The following PFKFB3 variants were observed in gnomAD, a reference collection of about 807,000 sequenced individuals.
PFKFB3 encodes the protein 6-phosphofructo-2-kinase/fructose-2,6-bisphosphatase 3.
PFKFB3 carries 33 observed loss-of-function variants against 68.0 expected under a neutral mutation model. The ratio of observed to expected loss-of-function variants is 0.49; its 90% CI spans 0.37 to 0.65. The LOEUF is 0.65. Among genes scored for constraint, PFKFB3 ranks in the 30% least tolerant of loss-of-function variants. The pLI, the probability that PFKFB3 is intolerant of heterozygous loss-of-function variation, is 0.00. For synonymous variants in PFKFB3, 315 were observed against 288.2 expected (o/e 1.09, Z -0.94); for missense variants, 586 against 712.2 (o/e 0.82, Z 2.02).
chr10:6,324,269 G>A, the PFKFB3 span, among the ~76,000 whole-genome samples: 1 of 152,178 alleles, frequency 6.6e-6, no homozygotes, highest in Non-Finnish European at 1.5e-5. Context: ...CAAATTCATA[G>A]AGACAGAAGG....
At chr10:6,322,956 G>A in the PFKFB3 span, among the ~76,000 whole-genome samples, 2 of 152,208 alleles carry the variant, frequency 1.3e-5, no homozygotes, top group Admixed American at 6.5e-5. Flanking sequence ...ACCCTGGTGA[G>A]TCAGGTTCAC....
downstream of PFKFB3, among the ~76,000 whole-genome samples, chr10:6,239,809 G>A (rs1484006847): frequency 2.0e-5 from 3 of 152,138 alleles, no homozygotes; most frequent in Non-Finnish European, 4.4e-5. Flanking sequence ...GAGTAGCTGA[G>A]ACTTCAGGTG....
intron 13 of PFKFB3, 67 bp from the exon 14 acceptor site, chr10:6,226,125 T>G (rs566839256): frequency 3.5e-6 from 5 of 1,408,648 alleles, no homozygotes; most frequent in East Asian, 5.0e-5. Context: ...GAAACTTTTT[T>G]GGGGCTAATT....
Position 6,226,342 on chromosome 10 carries a change from G to T in PFKFB3, c.1492G>T (p.Val498Leu), listed in dbSNP as rs1845350262. The T allele has an allele frequency of 1.9e-6, 3 of 1,613,374 alleles. No homozygotes were observed. Among genetic ancestry groups the T allele is most frequent in the Non-Finnish European group, 1.7e-6 (2 of 1,179,746 alleles). ...CCTGCCCAGCTGCCTGCCCCCGGAG[G>T]TGCCCACGCAGCTGCCTGGACAAGT... The part of the protein sequence containing the change: ...AALPSCLPPE[V>L]PTQLPGQNMK... The change falls in exon 14 of 15, where the codon GTG becomes TTG. Residue 498 changes from valine (V) to leucine (L), a missense_variant. Transcript: ENST00000379775.
chr10:6,300,232 A>C, the PFKFB3 span, among the ~76,000 whole-genome samples: 2 of 151,968 alleles, frequency 1.3e-5, no homozygotes, highest in South Asian at 4.2e-4. Flanking sequence ...CCCTGTGTGC[A>C]CTCAAGCCAC....
intron 1 of PFKFB3, among the ~76,000 whole-genome samples, chr10:6,176,957 C>T (rs1022058470): frequency 3.9e-5 from 6 of 152,184 alleles, no homozygotes; most frequent in African/African-American, 7.2e-5. Context: ...GGACAGGAGA[C>T]GGCTGTCACT....
At chr10:6,176,023 C>T (rs1158779372) in intron 1 of PFKFB3, among the ~76,000 whole-genome samples, 2 of 152,266 alleles carry the variant, frequency 1.3e-5, no homozygotes, top group Non-Finnish European at 2.9e-5. Context: ...AGAATGTTCA[C>T]TGCGGCACCC....
Position 6,191,813 on chromosome 10 carries a change from C to T in PFKFB3, c.17-21810C>T, listed in dbSNP as rs147646256. On this transcript the variant is annotated intron_variant, in intron 1 of 14. Transcript: ENST00000379789. ...GCAACGCGATGCACGACAACCCCCGCGCCTTCGTCAGTGGCTCTAACTCCT... is the reference window on the plus strand; with the variant it reads ...GCAACGCGATGCACGACAACCCCCGTGCCTTCGTCAGTGGCTCTAACTCCT... Among the ~76,000 whole-genome samples, 27 of 152,272 alleles carry T rather than the reference C, an allele frequency of 1.8e-4. No homozygotes were observed. In the East Asian group the frequency reaches 4.6e-3, roughly 26 times the overall value.
downstream of PFKFB3, among the ~76,000 whole-genome samples, chr10:6,259,188 C>CATCCATCCATCCATCT (rs1456597831): frequency 2.8e-4 from 38 of 135,392 alleles, no homozygotes; most frequent in African/African-American, 6.2e-4. Flanking sequence ...TCCATCTATC[C>CATCCATCCATCCATCT]ATCCATCCAT....
intron 1 of PFKFB3, among the ~76,000 whole-genome samples, chr10:6,146,701 G>A (rs1841399718): frequency 6.6e-6 from 1 of 152,208 alleles, no homozygotes; most frequent in South Asian, 2.1e-4. Context: ...GCCTTATGCG[G>A]CAAAGTATTA....
the PFKFB3 span, among the ~76,000 whole-genome samples, chr10:6,326,142 G>A: frequency 6.6e-6 from 1 of 152,316 alleles, no homozygotes; most frequent in African/African-American, 2.4e-5. Context: ...GCAAGGACAT[G>A]GGTGGAGCTA....
chr10:6,206,831 T>G lies in PFKFB3; in HGVS notation c.76+3495T>G, dbSNP rs1294948546. 1.3e-3 allele frequency among the ~76,000 whole-genome samples: 26 copies of G among 20,010 alleles called. 1 individual carries two copies. The highest frequency in any genetic ancestry group is 2.0e-3 in the South Asian group (1 of 500). 13.1% of individuals were successfully genotyped at this position (20,010 alleles called of 152,430 possible). ...CGGCCGGGCAGAGACGCTCCTCACT[T>G]CCCAGACGGGGTGGCGGCCGGGCAG... On this transcript the variant is annotated intron_variant, in intron 1 of 14. Coordinates refer to ENST00000379775, the MANE Select transcript of PFKFB3 (RefSeq NM_004566.4).
chr10:6,164,040 T>TGGCTGC (rs1454239883), intron 1 of PFKFB3: 2 of 152,370 alleles, frequency 1.3e-5, no homozygotes, highest in Non-Finnish European at 2.9e-5. Flanking sequence ...GCGTTGGGTG[T>TGGCTGC]GGCTGCGGCG....
At chr10:6,189,682 T>G (rs1464030765) in intron 1 of PFKFB3, among the ~76,000 whole-genome samples, 2 of 151,678 alleles carry the variant, frequency 1.3e-5, no homozygotes, top group Non-Finnish European at 2.9e-5. Context: ...GCCCAGCTAA[T>G]TTTTGTATTT....
At chr10:6,167,655 C>A (rs910907675) in intron 1 of PFKFB3, among the ~76,000 whole-genome samples, 1 of 152,158 alleles carries the variant, frequency 6.6e-6, no homozygotes, top group Non-Finnish European at 1.5e-5. Context: ...CCAGCCAAAC[C>A]CTCTTCCTCC....
intron 1 of PFKFB3, among the ~76,000 whole-genome samples, chr10:6,156,556 G>A (rs1296440073): frequency 6.6e-6 from 1 of 151,948 alleles, no homozygotes; most frequent in Non-Finnish European, 1.5e-5. Context: ...GGCCCAGGCT[G>A]ATGTGCAGTG....
the PFKFB3 span, chr10:6,294,160 G>T: frequency 2.2e-5 from 11 of 509,892 alleles, no homozygotes; most frequent in South Asian, 1.4e-4. Context: ...CCTATGTGTT[G>T]AGAGAGCTCT....
chr10:6,235,356 T>C lies in PFKFB3; in HGVS notation c.*2414T>C, dbSNP rs1845974375. On this transcript the variant is annotated 3_prime_UTR_variant, in exon 15 of 15. Transcript: ENST00000379775. ...AGAAAGCTGTAGAGATTGGGTTTCA[T>C]TGTTAATTGGTTTGGGAGCCTCCTA... is the stretch of plus-strand genomic sequence containing the variant. The C allele has an allele frequency of 6.6e-6, 1 of 152,498 alleles. No individual in the cohort carries two copies. The highest frequency in any genetic ancestry group is 2.4e-5 in the African/African-American group (1 of 41,454). The allele number at this position is 152,498 out of a possible 1,614,324, so 9.4% of individuals were successfully genotyped here.
chr10:6,188,072 C>T (rs1842923284), intron 1 of PFKFB3, among the ~76,000 whole-genome samples: 1 of 150,412 alleles, frequency 6.6e-6, no homozygotes, highest in Admixed American at 6.7e-5. Flanking sequence ...TATGTGTGTA[C>T]GTGTGCGTGT....
Sources: gnomAD v4.1 joint callset for allele counts (sites outside exome capture counted in the v4.1 genomes callset) on GRCh38, gnomAD v4.1.1 for gene constraint, MANE v1.5 for transcripts, NCBI Gene and HGNC (gene_info 2026-07-23, HGNC 2026-07-21) for gene names.